Variants in ATG4B observed in about 807,000 individuals in gnomAD.
ATG4B encodes autophagy related 4B cysteine peptidase, also known as cysteine protease ATG4B.
Under a neutral mutation model 56.6 loss-of-function variants are expected in ATG4B, and 29 were observed. The ratio of observed to expected loss-of-function variants is 0.51; its 90% CI spans 0.38 to 0.70. The LOEUF (loss-of-function observed/expected upper bound fraction) is 0.70, where lower values mean the gene tolerates loss of function less well. Among genes scored for constraint, ATG4B ranks in the 30% least tolerant of loss-of-function variants. The pLI is 0.00. For synonymous variants in ATG4B, 224 were observed against 206.1 expected, an observed-to-expected ratio of 1.09 and a Z score of -0.74; for missense variants, 461 against 515.5, an observed-to-expected ratio of 0.89 and a Z score of 1.02.
chr2:241,655,751 G>C (rs940290456), intron 6 of ATG4B, among the ~76,000 whole-genome samples: 2 of 152,162 alleles, frequency 1.3e-5, no homozygotes, highest in African/African-American at 4.8e-5. Context: ...ACTCCCTGTA[G>C]CCTCGCTCAC....
chr2:241,670,878 G>A (rs2068947114), intron 11 of ATG4B, 96 bp downstream of exon 11: 11 of 1,302,754 alleles, frequency 8.4e-6, no homozygotes, highest in Non-Finnish European at 1.2e-5. Context: ...CAGGTCTCAG[G>A]CAGCCTCACT....
At chr2:241,663,317 G>C (rs145967164) in intron 7 of ATG4B, among the ~76,000 whole-genome samples, 7,663 of 152,266 alleles carry the variant, frequency 0.05, 376 homozygotes, top group African/African-American at 0.13. Context: ...CAAAGCTACA[G>C]GGGACCCAGA....
intron 1 of ATG4B, among the ~76,000 whole-genome samples, chr2:241,649,973 G>A (rs769531144): frequency 1.3e-5 from 2 of 152,140 alleles, no homozygotes; most frequent in South Asian, 2.1e-4. Flanking sequence ...TAGTAGAGAC[G>A]GAGTTTCACC....
chr2:241,671,721 C>G (rs1017689238), intron 12 of ATG4B: 11 of 1,321,646 alleles, frequency 8.3e-6, no homozygotes, highest in Non-Finnish European at 9.8e-6. Flanking sequence ...TGACGCAGTC[C>G]TGGGTGGGGG....
chr2:241,667,250 C>T (rs113198722), intron 8 of ATG4B, among the ~76,000 whole-genome samples: 5,910 of 152,098 alleles, frequency 0.039, 392 homozygotes, highest in African/African-American at 0.13. Context: ...GACGTGTGGG[C>T]AGGGCCTGGG....
chr2:241,655,447 ATTAT>A, intron 6 of ATG4B, 104 bp downstream of exon 6: 1 of 1,151,182 alleles, frequency 8.7e-7, no homozygotes. Context: ...GGGGTCTCTA[ATTAT>A]TTACTTCATG....
At chr2:241,666,976 C>A in intron 8 of ATG4B, 138 bp downstream of exon 8, 2 of 1,047,970 alleles carry the variant, frequency 1.9e-6, no homozygotes, top group Admixed American at 2.5e-5. Context: ...TGGTTTACAC[C>A]GTTGCCCAAG....
chr2:241,656,830 T>C (rs1420247922), intron 6 of ATG4B, among the ~76,000 whole-genome samples: 4 of 150,636 alleles, frequency 2.7e-5, no homozygotes, highest in Admixed American at 6.6e-5. Flanking sequence ...ACCCCTCTTT[T>C]TGAGACGGAG....
At chr2:241,652,176 C>T (rs903668835) in intron 3 of ATG4B, among the ~76,000 whole-genome samples, 1 of 152,194 alleles carries the variant, frequency 6.6e-6, no homozygotes, top group Non-Finnish European at 1.5e-5. Context: ...GTGAGATGTA[C>T]CCTGGGAATA....
intron 3 of ATG4B, 64 bp from the exon 4 acceptor site, chr2:241,653,448 A>G (rs2068282222): frequency 1.9e-6 from 3 of 1,551,378 alleles, no homozygotes; most frequent in East Asian, 2.4e-5. Flanking sequence ...GCCTCCTGCC[A>G]GTGGGCTTGT....
chr2:241,671,983 C>T (rs533198785), intron 12 of ATG4B: 4 of 1,415,746 alleles, frequency 2.8e-6, no homozygotes, highest in Middle Eastern at 2.5e-4. Flanking sequence ...CCCCTGCCCT[C>T]CTCACCCTGC....
chr2:241,644,046 C>T (rs992711191), intron 1 of ATG4B, among the ~76,000 whole-genome samples: 1 of 152,058 alleles, frequency 6.6e-6, no homozygotes, highest in Non-Finnish European at 1.5e-5. Flanking sequence ...GGATCTCATA[C>T]ATCTGAGAGT....
Position 241,668,142 on chromosome 2 carries a change from G to C in ATG4B, c.733-1G>C. 6.3e-7 allele frequency: 1 copy of C among 1,596,742 alleles called. No homozygotes were observed. The highest frequency in any genetic ancestry group is 8.5e-7 in the Non-Finnish European group (1 of 1,172,260). On this transcript the variant is annotated splice_acceptor_variant, in intron 8 of 12. Coordinates refer to ENST00000404914, the MANE Select transcript of ATG4B (RefSeq NM_013325.5). LOFTEE classifies it high-confidence loss of function. This position sits in a 1 kb window ranked among gnomAD's most constrained non-coding sequence, Gnocchi z 4.2. ...GTGCTCAGTCCCCCGCCCCTCCACA[G>C]CACTGCTTCATGATGCCCCAGTCCC...
intron 6 of ATG4B, among the ~76,000 whole-genome samples, chr2:241,658,687 TG>T (rs1389900759): frequency 1.3e-5 from 2 of 152,186 alleles, no homozygotes; most frequent in Non-Finnish European, 2.9e-5. Context: ...TCAGATTCCT[TG>T]GTTGTCAGCT....
At chr2:241,654,866 C>G in intron 5 of ATG4B, 3 of 586,682 alleles carry the variant, frequency 5.1e-6, no homozygotes, top group Non-Finnish European at 9.1e-6. Flanking sequence ...TGGGCCTTGC[C>G]CTTCCTGCTG....
In ATG4B at chr2:241,668,202, C is replaced by G; in HGVS notation, c.792C>G (p.His264Gln). The change falls in exon 9 of 13, where the codon CAC (histidine) becomes CAG (glutamine). Residue 264 changes from histidine (H) to glutamine (Q), a missense_variant. Coordinates refer to ENST00000404914, the MANE Select transcript of ATG4B (RefSeq NM_013325.5). This position sits in a 1 kb window ranked among gnomAD's most constrained non-coding sequence, Gnocchi z 4.2. Reference protein sequence around the residue: ...GVIGGKPNSAHYFIGYVGEEL... With the variant: ...GVIGGKPNSAQYFIGYVGEEL... ...TCGGAGGGAAGCCCAACAGCGCCCA[C>G]TACTTCATCGGCTACGTTGGTGAGT... The G allele has an allele frequency of 6.2e-7, 1 of 1,606,756 alleles. No individual in the cohort carries two copies. The highest frequency in any genetic ancestry group is 8.5e-7 in the Non-Finnish European group (1 of 1,176,986).
chr2:241,646,250 C>T (rs1402508966), intron 1 of ATG4B, among the ~76,000 whole-genome samples: 6 of 152,236 alleles, frequency 3.9e-5, no homozygotes, highest in African/African-American at 1.4e-4. Flanking sequence ...CACAGCCGCT[C>T]AGGCCTCGTG....
intron 1 of ATG4B, among the ~76,000 whole-genome samples, chr2:241,650,205 GA>G (rs2068188026): frequency 6.6e-6 from 1 of 152,358 alleles, no homozygotes; most frequent in African/African-American, 2.4e-5. Context: ...TTGCCCCATG[GA>G]AGTGGTGGCA....
At position 241,659,034 on chromosome 2, in the gene ATG4B, C is replaced by T. The variant is rs898867819; in HGVS notation, c.459-74C>T. The stretch of plus-strand genomic sequence containing the variant: ...CACCTCTAACGCGAACCCTCCTTCG[C>T]GCAGCTATAGCTGCAAAGATGAACC... On this transcript the variant is annotated intron_variant, in intron 6 of 12. Transcript: ENST00000404914. 27 of 1,196,962 alleles carry T rather than the reference C, an allele frequency of 2.3e-5. No homozygotes were observed. In the Admixed American group the frequency reaches 3.6e-4, roughly 16 times the overall value. The allele number at this position is 1,196,962 out of a possible 1,614,324, so 74.1% of individuals were successfully genotyped here.
Sources: allele counts gnomAD v4.1 joint callset (sites outside exome capture counted in the v4.1 genomes callset), GRCh38; gene constraint gnomAD v4.1.1; non-coding constraint Gnocchi (gnomAD v3.1); transcripts MANE v1.5; gene names NCBI Gene and HGNC (gene_info 2026-07-23, HGNC 2026-07-21).